GCC2: variants seen among roughly 807,000 people sequenced by gnomAD.
The protein encoded by GCC2 is GRIP and coiled-coil domain-containing protein 2.
In GCC2, 120 loss-of-function variants were observed where a neutral mutation model predicts 210.6. The observed-to-expected ratio is 0.57, with a 90% CI of 0.49 to 0.66. GCC2 has a LOEUF of 0.66. Ranked by LOEUF, GCC2 falls within the 30% of genes least tolerant of loss-of-function variation. The probability of loss-of-function intolerance (pLI) is 0.00; values close to 1 mark genes in which losing one functional copy is unlikely to be tolerated. For missense variants in GCC2, 1,868 were observed against 1,871.9 expected (o/e 1.00, Z 0.04); for synonymous variants, 703 against 652.7 (o/e 1.08, Z -1.17).
At chr2:108,497,226 C>G in intron 21 of GCC2, 117 bp downstream of exon 21, 1 of 1,532,740 alleles carries the variant, frequency 6.5e-7, no homozygotes. Context: ...ACGCCATTCT[C>G]CTGCCTCAGC....
At chr2:108,456,264 C>T (rs554497317) in intron 4 of GCC2, among the ~76,000 whole-genome samples, 1 of 151,930 alleles carries the variant, frequency 6.6e-6, no homozygotes, top group Non-Finnish European at 1.5e-5. Context: ...GGATTACAGG[C>T]GTGAGCCACC....
intron 21 of GCC2, among the ~76,000 whole-genome samples, chr2:108,498,556 T>G (rs1261382478): frequency 2.0e-5 from 3 of 152,182 alleles, no homozygotes; most frequent in African/African-American, 7.2e-5. Flanking sequence ...TTATTGTCAC[T>G]TTTTTAAATG....
intron 7 of GCC2, among the ~76,000 whole-genome samples, chr2:108,474,590 G>T (rs1244222452): frequency 1.3e-5 from 2 of 152,124 alleles, no homozygotes; most frequent in African/African-American, 2.4e-5. Flanking sequence ...AAAAAGCGAT[G>T]GGACAAAACT....
chr2:108,478,125 G>A (rs1045110541), intron 9 of GCC2, among the ~76,000 whole-genome samples: 5 of 152,164 alleles, frequency 3.3e-5, no homozygotes, highest in African/African-American at 1.2e-4. Flanking sequence ...CTCTTAAAAT[G>A]TAAAGAAGCA....
rs1015361362 is a variant in GCC2, at chr2:108,508,958, T to G, written c.*1328T>G. 35 of 152,690 alleles carry G rather than the reference T, an allele frequency of 2.3e-4. No individual in the cohort carries two copies. The highest frequency in any genetic ancestry group is 8.2e-4 in the African/African-American group (34 of 41,466). The allele number at this position is 152,690 out of a possible 1,614,324, so 9.5% of individuals were successfully genotyped here. ...CACTTTGGTTACACAGAACATTGGTTTCCAATTCAGTTTAACTGAAATTTG... is the reference window on the plus strand; with the variant it reads ...CACTTTGGTTACACAGAACATTGGTGTCCAATTCAGTTTAACTGAAATTTG... On this transcript the variant is annotated 3_prime_UTR_variant, in exon 23 of 23. Coordinates refer to ENST00000309863, the MANE Select transcript of GCC2 (RefSeq NM_181453.4).
At chr2:108,504,590 C>T (rs114609310) in intron 22 of GCC2, among the ~76,000 whole-genome samples, 179 of 152,190 alleles carry the variant, frequency 1.2e-3, no homozygotes, top group African/African-American at 3.9e-3. Context: ...ATTCACCTTG[C>T]CCCCACACAC....
intron 16 of GCC2, among the ~76,000 whole-genome samples, chr2:108,487,427 TG>T (rs1682197911): frequency 6.6e-6 from 1 of 152,188 alleles, no homozygotes; most frequent in Non-Finnish European, 1.5e-5. Flanking sequence ...CTAATTACCC[TG>T]ATTTGCTTAT....
chr2:108,483,259 T>C lies in GCC2; in HGVS notation c.3450+93T>C, dbSNP rs1681966413. 5.7e-6 allele frequency: 4 copies of C among 697,510 alleles called. No individual in the cohort carries two copies. In the Admixed American group the frequency reaches 7.4e-5, roughly 13 times the overall value. The allele number at this position is 697,510 out of a possible 1,614,324, so 43.2% of individuals were successfully genotyped here. A position where few individuals can be genotyped will look rare whatever the true frequency, so the allele number is the denominator to read the frequency against. ...TTCTGTTCTCTCTGCAATCTCACTC[T>C]GTGGCCCAGGCTGGAGTGCAGTGGC... On this transcript the variant is annotated intron_variant, in intron 12 of 22. Coordinates refer to ENST00000309863, the MANE Select transcript of GCC2 (RefSeq NM_181453.4).
At position 108,499,623 on chromosome 2, in the gene GCC2, A is replaced by G. The variant is rs1194880312; in HGVS notation, c.4853A>G (p.Tyr1618Cys). The change falls in exon 22 of 23, where the codon TAC becomes TGC. Residue 1618 changes from tyrosine to cysteine, a missense_variant. Tyr to Cys is a radical substitution (Grantham distance 194, BLOSUM62 -2). This residue lies in a region of GCC2 where 1 missense variants were observed against 78.5 expected (regional missense o/e 0.01). Transcript: ENST00000309863. ...GAGAAGTCTGCAGCTAACCTGGAAT[A>G]CTTGAAGAACGTCTTGCTGCAGTTC... ...EREKSAANLE[Y>C]LKNVLLQFIF... 1 of 1,612,016 alleles carries G rather than the reference A, an allele frequency of 6.2e-7. No individual in the cohort carries two copies. Among genetic ancestry groups the G allele is most frequent in the Non-Finnish European group, 8.5e-7 (1 of 1,179,890 alleles).
chr2:108,461,168 A>G lies in GCC2; in HGVS notation c.217-7812A>G, dbSNP rs541191645. Reference sequence around the variant, plus strand: ...TGAATATATCATTCTCTTATCTCCAATGAATATATTATTCTCTTTTCTCTT... The same window carrying G: ...TGAATATATCATTCTCTTATCTCCAGTGAATATATTATTCTCTTTTCTCTT... On this transcript the variant is annotated intron_variant, in intron 4 of 22. Transcript: ENST00000309863. 7.2e-5 allele frequency among the ~76,000 whole-genome samples: 11 copies of G among 152,232 alleles called. No individual in the cohort carries two copies. In the South Asian group the frequency reaches 2.3e-3, roughly 32 times the overall value.
intron 22 of GCC2, among the ~76,000 whole-genome samples, chr2:108,500,791 G>A (rs1173006448): frequency 6.6e-6 from 1 of 152,102 alleles, no homozygotes; most frequent in Non-Finnish European, 1.5e-5. Context: ...ACAATCTTTT[G>A]GCGTAAATAG....
intron 17 of GCC2, 58 bp from the exon 18 acceptor site, chr2:108,489,780 C>A: frequency 8.2e-7 from 1 of 1,215,732 alleles, no homozygotes; most frequent in Non-Finnish European, 1.1e-6. Context: ...ATATTTAAAA[C>A]CACAAAATCA....
chr2:108,457,877 A>C (rs941278722), intron 4 of GCC2, among the ~76,000 whole-genome samples: 3 of 152,234 alleles, frequency 2.0e-5, no homozygotes, highest in Admixed American at 1.3e-4. Flanking sequence ...AGAGAGGGAC[A>C]GTTTAACTTC....
At chr2:108,478,707 A>G (rs1335346436) in intron 9 of GCC2, among the ~76,000 whole-genome samples, 1 of 152,246 alleles carries the variant, frequency 6.6e-6, no homozygotes, top group Non-Finnish European at 1.5e-5. Context: ...ATGCCCTGGC[A>G]TAGCAATTCA....
intron 21 of GCC2, among the ~76,000 whole-genome samples, chr2:108,498,725 T>G (rs1164117183): frequency 2.0e-5 from 3 of 152,288 alleles, no homozygotes; most frequent in Middle Eastern, 3.4e-3. Flanking sequence ...TTTCTGATAG[T>G]GTTTTACATT....
chr2:108,469,130 T>C, intron 5 of GCC2, 46 bp downstream of exon 5: 1 of 1,095,444 alleles, frequency 9.1e-7, no homozygotes, highest in Non-Finnish European at 1.4e-6. Flanking sequence ...TAACATATAG[T>C]GTAGTCATTA....
At chr2:108,467,171 T>C (rs1001666664) in intron 4 of GCC2, among the ~76,000 whole-genome samples, 2 of 152,228 alleles carry the variant, frequency 1.3e-5, no homozygotes, top group Admixed American at 6.5e-5. Flanking sequence ...TTGCGATTAA[T>C]TGGAATTGCG....
At chr2:108,496,343 C>T (rs1479289912) in intron 20 of GCC2, 1 of 152,822 alleles carries the variant, frequency 6.5e-6, no homozygotes, top group African/African-American at 2.4e-5. Context: ...CCTGAAACTT[C>T]AGAATCACCT....
chr2:108,489,162 A>G (rs1682283966), intron 17 of GCC2, among the ~76,000 whole-genome samples: 1 of 152,164 alleles, frequency 6.6e-6, no homozygotes, highest in South Asian at 2.1e-4. Flanking sequence ...GCTCTTCTTC[A>G]GGGATTATCT....
Sources: gnomAD v4.1 joint callset for allele counts (sites outside exome capture counted in the v4.1 genomes callset) on GRCh38, gnomAD v4.1.1 for gene constraint, gnomAD v4.1.1 regional missense constraint, MANE v1.5 for transcripts, NCBI Gene and HGNC (gene_info 2026-07-23, HGNC 2026-07-21) for gene names.